The following OPA1 variants were observed in gnomAD, a reference collection of about 807,000 sequenced individuals.
OPA1 encodes the protein dynamin-like GTPase OPA1, mitochondrial.
Under a neutral mutation model 152.9 loss-of-function variants are expected in OPA1, and 59 were observed. The observed-to-expected ratio is 0.39, with a 90% CI of 0.31 to 0.48. OPA1 has a LOEUF of 0.48. Among genes scored for constraint, OPA1 ranks in the 20% least tolerant of loss-of-function variants. OPA1 has a pLI of 0.96. For synonymous variants in OPA1, 400 were observed against 389.9 expected, an observed-to-expected ratio of 1.03 and a Z score of -0.31; for missense variants, 1,008 against 1,216.8, an observed-to-expected ratio of 0.83 and a Z score of 2.55.
intron 6 of OPA1, among the ~76,000 whole-genome samples, chr3:193,619,268 A>C (rs889352130): frequency 6.6e-6 from 1 of 152,192 alleles, no homozygotes; most frequent in African/African-American, 2.4e-5. Flanking sequence ...AGGACCTCTC[A>C]TACTGTAATA....
At chr3:193,641,951 C>T (rs1272243693) in intron 11 of OPA1, among the ~76,000 whole-genome samples, 8 of 152,158 alleles carry the variant, frequency 5.3e-5, no homozygotes, top group Non-Finnish European at 7.4e-5. Flanking sequence ...CCTGTCTCTA[C>T]TAAAAGTACA....
At chr3:193,688,558 A>T (rs1270561824) in intron 29 of OPA1, among the ~76,000 whole-genome samples, 1 of 137,898 alleles carries the variant, frequency 7.3e-6, no homozygotes, top group Non-Finnish European at 1.5e-5. Context: ...GCTCACTGCA[A>T]CCTCCGCCTC....
chr3:193,603,247 C>T (rs1365173891), intron 1 of OPA1, among the ~76,000 whole-genome samples: 1 of 152,200 alleles, frequency 6.6e-6, no homozygotes, highest in South Asian at 2.1e-4. Context: ...CTTTGCTTCA[C>T]GTTAAATTTA....
At chr3:193,665,256 TA>T in intron 27 of OPA1, among the ~76,000 whole-genome samples, 1 of 113,512 alleles carries the variant, frequency 8.8e-6, no homozygotes, top group Non-Finnish European at 1.8e-5. Flanking sequence ...ATATAAATAG[TA>T]AAAAAAATAA....
At chr3:193,648,599 A>T in intron 20 of OPA1, 196 bp from the exon 21 acceptor site, 1 of 524,768 alleles carries the variant, frequency 1.9e-6, no homozygotes, top group Non-Finnish European at 3.5e-6. Context: ...GTAGATATTT[A>T]TGTCAGTTTC....
chr3:193,669,310 A>G (rs954969321), intron 29 of OPA1, among the ~76,000 whole-genome samples: 2 of 152,050 alleles, frequency 1.3e-5, no homozygotes, highest in Non-Finnish European at 2.9e-5. Flanking sequence ...TCCTTTAAAT[A>G]TTCTTCTTTC....
In OPA1 at chr3:193,648,112, C is replaced by T; in HGVS notation, c.1913C>T (p.Pro638Leu). 6.2e-7 allele frequency: 1 copy of T among 1,613,208 alleles called. No individual in the cohort carries two copies. The highest frequency in any genetic ancestry group is 8.5e-7 in the Non-Finnish European group (1 of 1,179,198). The change falls in exon 20 of 31, where the codon CCT becomes CTT. Residue 638 changes from proline to leucine, a missense_variant. Around this residue, in one of 7 missense-constraint regions of OPA1, gnomAD observed 229 missense variants for 269.0 expected, o/e 0.85. Coordinates refer to ENST00000361510, the MANE Select transcript of OPA1 (RefSeq NM_130837.3). Reference sequence around the variant, plus strand: ...GAAACTGAATGGAAGAATAACTATCCTCGCCTGCGGGAACTTGACCGGGTA... The same window carrying T: ...GAAACTGAATGGAAGAATAACTATCTTCGCCTGCGGGAACTTGACCGGGTA... ...NLETEWKNNY[P>L]RLRELDRNEL... is the part of the protein sequence containing the mutation.
intron 21 of OPA1, 32 bp from the exon 22 acceptor site, chr3:193,654,830 G>T (rs1713412979): frequency 6.2e-7 from 1 of 1,605,222 alleles, no homozygotes; most frequent in Non-Finnish European, 8.5e-7. Flanking sequence ...ATTATATTTA[G>T]ATTTGGTGCT....
chr3:193,690,398 C>T (rs1469845284), intron 29 of OPA1, among the ~76,000 whole-genome samples: 1 of 145,890 alleles, frequency 6.9e-6, no homozygotes, highest in Non-Finnish European at 1.5e-5. Flanking sequence ...TAGTGGCACT[C>T]ACCTGTAGTC....
chr3:193,615,010 C>G lies in OPA1; in HGVS notation c.320C>G (p.Ser107Trp). ...AAACTTCGCTATCTCATACTAGGAT[C>G]GGCTGTTGGGGGTGGCTACACAGCC... ...LLKLRYLILG[S>W]AVGGGYTAKK... Residue 107 changes from serine to tryptophan, a missense_variant, in exon 2 of 31, where the codon TCG becomes TGG. By Grantham distance (177) the Ser-to-Trp change is radical. Coordinates refer to ENST00000361510, the MANE Select transcript of OPA1 (RefSeq NM_130837.3). 6.2e-7 allele frequency: 1 copy of G among 1,614,138 alleles called. No homozygotes were observed. Among genetic ancestry groups the G allele is most frequent in the African/African-American group, 1.3e-5 (1 of 75,052 alleles).
In OPA1 at chr3:193,600,636, G is replaced by A. The variant is rs77049006; in HGVS notation, c.32+7227G>A. Among the ~76,000 whole-genome samples the A allele has an allele frequency of 1.6e-3, 245 of 152,326 alleles. 7 individuals are homozygous for A. In the East Asian group the frequency reaches 0.034, roughly 21 times the overall value. On this transcript the variant is annotated intron_variant, in intron 1 of 30. Coordinates refer to ENST00000361510, the MANE Select transcript of OPA1 (RefSeq NM_130837.3). ...TGATTGGTCAGAGTCTTCAGTTGGA[G>A]TATGATAGTGATTAAGGATCATAGT...
At position 193,615,636 on chromosome 3, in the gene OPA1, T is replaced by C. The variant is rs777931831; in HGVS notation, c.352-38T>C. On this transcript the variant is annotated intron_variant, in intron 2 of 30. Transcript: ENST00000361510. Reference sequence around the variant, plus strand: ...TTTTTCTTTACATGTTTATTTGGCATGCAGAGCATCTGATTGACACACTTT... The same window carrying C: ...TTTTTCTTTACATGTTTATTTGGCACGCAGAGCATCTGATTGACACACTTT... 2.8e-6 allele frequency: 3 copies of C among 1,085,296 alleles called. No individual in the cohort carries two copies. In the East Asian group the frequency reaches 7.1e-5, roughly 26 times the overall value. The allele number at this position is 1,085,296 out of a possible 1,614,324, so 67.2% of individuals were successfully genotyped here.
chr3:193,624,533 AT>A (rs931837169), intron 6 of OPA1, among the ~76,000 whole-genome samples: 3 of 152,018 alleles, frequency 2.0e-5, no homozygotes, highest in East Asian at 1.9e-4. Context: ...TAAAGCAATA[AT>A]TTTTTTTAAA....
At chr3:193,666,182 T>A in intron 27 of OPA1, 114 bp from the exon 28 acceptor site, 1 of 838,634 alleles carries the variant, frequency 1.2e-6, no homozygotes, top group Non-Finnish European at 2.0e-6. Flanking sequence ...TAGGTAAATC[T>A]GAGTACTTTT....
At chr3:193,673,261 G>T (rs1390689894) in intron 29 of OPA1, among the ~76,000 whole-genome samples, 1 of 152,184 alleles carries the variant, frequency 6.6e-6, no homozygotes, top group Non-Finnish European at 1.5e-5. Flanking sequence ...ATAGTTACCA[G>T]TGTCCTTCAC....
intron 20 of OPA1, 196 bp from the exon 21 acceptor site, chr3:193,648,599 A>G (rs1325188076): frequency 1.3e-5 from 7 of 524,650 alleles, no homozygotes; most frequent in Non-Finnish European, 2.4e-5. Flanking sequence ...GTAGATATTT[A>G]TGTCAGTTTC....
In OPA1 at chr3:193,657,114, G is replaced by A. The variant is rs542540811; in HGVS notation, c.2213G>A (p.Arg738His). The change falls in exon 23 of 31, where the codon CGC (arginine) becomes CAC (histidine). Residue 738 changes from arginine to histidine, a missense_variant. Physicochemically the swap from Arg to His is conservative, Grantham distance 29. Around this residue, in one of 7 missense-constraint regions of OPA1, gnomAD observed 229 missense variants for 269.0 expected, o/e 0.85. Coordinates refer to ENST00000361510, the MANE Select transcript of OPA1 (RefSeq NM_130837.3). ...GAGACCCTACAAGAAGAATTTTCCC[G>A]CTTTATGACAGAACCGAAAGGGAAA... ...AWETLQEEFS[R>H]FMTEPKGKEH... The A allele has an allele frequency of 3.5e-5, 56 of 1,613,426 alleles. No homozygotes were observed. Among genetic ancestry groups the A allele is most frequent in the Admixed American group, 5.0e-5 (3 of 59,934 alleles).
intron 6 of OPA1, 63 bp downstream of exon 6, chr3:193,618,999 C>T: frequency 7.8e-7 from 1 of 1,284,232 alleles, no homozygotes; most frequent in African/African-American, 1.5e-5. Flanking sequence ...GTTTTTACTT[C>T]TTTGGAAGAT....
Position 193,652,395 on chromosome 3 carries a change from A to C in OPA1, c.2013-2467A>C, listed in dbSNP as rs1038944602. ...AGACCCTGTCTGAAAACAAACAAAC[A>C]AAAAAAAAAAACCATAGAATATAGG... On this transcript the variant is annotated intron_variant, in intron 21 of 30. Transcript: ENST00000361510. Among the ~76,000 whole-genome samples the C allele has an allele frequency of 2.9e-5, 4 of 136,378 alleles. No individual in the cohort carries two copies. In the East Asian group the frequency reaches 8.4e-4, roughly 29 times the overall value. The allele number at this position is 136,378 out of a possible 152,430, so 89.5% of individuals were successfully genotyped here. A position where few individuals can be genotyped will look rare whatever the true frequency, so the allele number is the denominator to read the frequency against.
Sources: allele counts gnomAD v4.1 joint callset (sites outside exome capture counted in the v4.1 genomes callset), GRCh38; gene constraint gnomAD v4.1.1; regional missense constraint gnomAD v4.1.1; transcripts MANE v1.5; gene names NCBI Gene and HGNC (gene_info 2026-07-23, HGNC 2026-07-21).